Variants in LINGO2 observed in about 807,000 individuals in gnomAD.
LINGO2 encodes the protein leucine-rich repeat and immunoglobulin-like domain-containing nogo receptor-interacting protein 2.
LINGO2 carries 14 observed loss-of-function variants against 30.6 expected under a neutral mutation model. The ratio of observed to expected loss-of-function variants is 0.46; its 90% CI spans 0.30 to 0.72. The LOEUF (loss-of-function observed/expected upper bound fraction) is 0.72. LINGO2 is among the 30% of genes least tolerant of loss of function. The probability of loss-of-function intolerance (pLI) is 0.07; values close to 1 mark genes in which losing one functional copy is unlikely to be tolerated. For synonymous variants in LINGO2, 317 were observed against 288.5 expected (o/e 1.10, Z -1.00); for missense variants, 729 against 751.7 (o/e 0.97, Z 0.35).
chr9:28,388,002 C>G (rs905989417), intron 2 of LINGO2, among the ~76,000 whole-genome samples: 3 of 152,128 alleles, frequency 2.0e-5, no homozygotes, highest in Non-Finnish European at 4.4e-5. Context: ...CACAGCATGC[C>G]GATCACTTTT....
At chr9:28,911,444 T>A in the LINGO2 span, among the ~76,000 whole-genome samples, 1 of 152,138 alleles carries the variant, frequency 6.6e-6, no homozygotes, top group South Asian at 2.1e-4. Context: ...CTGAACCATA[T>A]TCATATCTTT....
At chr9:28,632,760 A>AGATCTG (rs1827033019) in intron 1 of LINGO2, among the ~76,000 whole-genome samples, 1 of 138,158 alleles carries the variant, frequency 7.2e-6, no homozygotes. Flanking sequence ...ATCTATATAT[A>AGATCTG]TAGATTTATA....
intron 1 of LINGO2, among the ~76,000 whole-genome samples, chr9:28,555,681 C>A (rs540894414): frequency 1.8e-4 from 27 of 151,874 alleles, no homozygotes; most frequent in African/African-American, 2.4e-4. Context: ...AAAGCCGGGC[C>A]GAGACACAAC....
chr9:28,756,215 G>T, the LINGO2 span, among the ~76,000 whole-genome samples: 1 of 151,992 alleles, frequency 6.6e-6, no homozygotes, highest in Admixed American at 6.6e-5. Context: ...AGTGAAAGGA[G>T]ATTATTTTGG....
chr9:28,689,799 A>C, the LINGO2 span, among the ~76,000 whole-genome samples: 1 of 152,204 alleles, frequency 6.6e-6, no homozygotes, highest in East Asian at 1.9e-4. Context: ...TATTCACAAC[A>C]GCAAAGACAT....
At chr9:28,873,379 C>CAA in the LINGO2 span, among the ~76,000 whole-genome samples, 2 of 93,394 alleles carry the variant, frequency 2.1e-5, no homozygotes, top group African/African-American at 4.3e-5. Flanking sequence ...GACTCAGTCT[C>CAA]AAAAAAAAAA....
intron 2 of LINGO2, among the ~76,000 whole-genome samples, chr9:28,433,786 A>T (rs1157361923): frequency 6.6e-6 from 1 of 152,008 alleles, no homozygotes; most frequent in East Asian, 1.9e-4. Context: ...GTAGCTACCC[A>T]AAGGAAAACA....
chr9:28,995,352 T>C, the LINGO2 span, among the ~76,000 whole-genome samples: 6 of 152,156 alleles, frequency 3.9e-5, no homozygotes, highest in African/African-American at 1.4e-4. Context: ...ATGGTGATCA[T>C]TAAAAAGTCA....
At chr9:28,406,308 C>T (rs984576233) in intron 2 of LINGO2, among the ~76,000 whole-genome samples, 12 of 132,738 alleles carry the variant, frequency 9.0e-5, no homozygotes, top group South Asian at 2.9e-4. Context: ...TGGTGGTGTA[C>T]GCCTGTAGTT....
At chr9:28,171,054 T>G (rs1828567569) in intron 4 of LINGO2, among the ~76,000 whole-genome samples, 1 of 152,244 alleles carries the variant, frequency 6.6e-6, no homozygotes, top group Non-Finnish European at 1.5e-5. Flanking sequence ...GAGTAGATAT[T>G]CAATGTAAGT....
chr9:28,245,035 C>T (rs572148635), intron 4 of LINGO2, among the ~76,000 whole-genome samples: 30 of 152,188 alleles, frequency 2.0e-4, no homozygotes, highest in Non-Finnish European at 3.7e-4. Context: ...TTCCTGATCA[C>T]CATAGATGTA....
the LINGO2 span, among the ~76,000 whole-genome samples, chr9:28,848,416 T>TATATATAC: frequency 1.5e-5 from 2 of 130,494 alleles, no homozygotes; most frequent in African/African-American, 6.0e-5. Context: ...TATATATATA[T>TATATATAC]ATATATATAT....
At chr9:28,342,333 C>A (rs993302892) in intron 3 of LINGO2, among the ~76,000 whole-genome samples, 3 of 152,126 alleles carry the variant, frequency 2.0e-5, no homozygotes, top group African/African-American at 7.2e-5. Context: ...TCAAATCCTA[C>A]ATATAGACAG....
At chr9:29,140,383 T>TA in the LINGO2 span, among the ~76,000 whole-genome samples, 1 of 151,758 alleles carries the variant, frequency 6.6e-6, no homozygotes, top group African/African-American at 2.4e-5. Context: ...AGCTGAAGAA[T>TA]AAAATACCTG....
intron 4 of LINGO2, among the ~76,000 whole-genome samples, chr9:28,256,548 GA>G (rs1434121184): frequency 6.6e-6 from 1 of 151,784 alleles, no homozygotes; most frequent in Admixed American, 6.6e-5. Flanking sequence ...ATAGTGCCAT[GA>G]AAAAAATGAA....
intron 1 of LINGO2, among the ~76,000 whole-genome samples, chr9:28,531,071 T>G (rs1019299765): frequency 4.2e-4 from 62 of 147,706 alleles, no homozygotes; most frequent in African/African-American, 1.5e-3. Flanking sequence ...ATATAATATA[T>G]AAAATTCCAA....
At chr9:28,137,486 C>T (rs968855858) in intron 4 of LINGO2, among the ~76,000 whole-genome samples, 22 of 152,040 alleles carry the variant, frequency 1.4e-4, no homozygotes, top group Non-Finnish European at 2.9e-4. Flanking sequence ...ATTGTTCTTG[C>T]GTCCTTCACA....
chr9:29,027,862 G>A, the LINGO2 span, among the ~76,000 whole-genome samples: 2 of 152,016 alleles, frequency 1.3e-5, no homozygotes, highest in Non-Finnish European at 2.9e-5. Flanking sequence ...GCTAAATCAT[G>A]GTAATTATTG....
the LINGO2 span, among the ~76,000 whole-genome samples, chr9:29,107,663 T>C: frequency 2.4e-4 from 37 of 152,124 alleles, no homozygotes; most frequent in Admixed American, 2.3e-3. Context: ...AATGAAAATC[T>C]TGAGGAAAAG....
Sources: gnomAD v4.1 joint callset for allele counts (sites outside exome capture counted in the v4.1 genomes callset) on GRCh38, gnomAD v4.1.1 for gene constraint, MANE v1.5 for transcripts, NCBI Gene and HGNC (gene_info 2026-07-23, HGNC 2026-07-21) for gene names.